The following TNNI3K variants were observed in gnomAD, a reference collection of about 807,000 sequenced individuals.
TNNI3K encodes the protein serine/threonine-protein kinase TNNI3K.
A neutral mutation model predicts 114.5 loss-of-function variants in TNNI3K; 140 were observed. The ratio of observed to expected loss-of-function variants is 1.22; its 90% confidence interval spans 1.07 to 1.41. The LOEUF (loss-of-function observed/expected upper bound fraction) is 1.41. TNNI3K is among the 40% of genes most tolerant of loss of function. The pLI is 0.00. For synonymous variants in TNNI3K, 347 were observed against 347.5 expected (o/e 1.00, Z 0.02); for missense variants, 1,125 against 1,007.6 (o/e 1.12, Z -1.58).
chr1:74,487,977 G>A (rs907047288), intron 21 of TNNI3K, among the ~76,000 whole-genome samples: 3 of 152,074 alleles, frequency 2.0e-5, no homozygotes, highest in Non-Finnish European at 4.4e-5. Flanking sequence ...ATAACTAAGG[G>A]GCTGAGTGAC....
At chr1:74,268,384 G>C (rs976216073) in intron 4 of TNNI3K, among the ~76,000 whole-genome samples, 3 of 151,764 alleles carry the variant, frequency 2.0e-5, no homozygotes, top group African/African-American at 7.3e-5. Context: ...GTTTTCTCTG[G>C]AGGAGGAATT....
chr1:74,439,811 C>T (rs1373578227), intron 20 of TNNI3K, among the ~76,000 whole-genome samples, 189 bp downstream of exon 20: 1 of 151,896 alleles, frequency 6.6e-6, no homozygotes, highest in Non-Finnish European at 1.5e-5. Context: ...CCTGTGATTT[C>T]AGACCGAGAC....
At chr1:74,310,371 A>G (rs1194521400) in intron 5 of TNNI3K, among the ~76,000 whole-genome samples, 1 of 152,206 alleles carries the variant, frequency 6.6e-6, no homozygotes, top group Non-Finnish European at 1.5e-5. Flanking sequence ...TGGAGAAATC[A>G]ATTACTAACA....
intron 21 of TNNI3K, chr1:74,470,771 C>T (rs1667887851): frequency 2.5e-6 from 1 of 400,504 alleles, no homozygotes; most frequent in Middle Eastern, 3.1e-4. Flanking sequence ...TGTTGTAAGG[C>T]TTCATTTTGG....
Position 74,540,260 on chromosome 1 carries a change from T to C in TNNI3K, c.2378T>C (p.Leu793Pro). Residue 793 changes from leucine to proline, a missense_variant, in exon 24 of 25, where the codon CTG (leucine) becomes CCG (proline). Physicochemically the swap from Leu to Pro is moderately conservative, Grantham distance 98. Coordinates refer to ENST00000326637, the MANE Select transcript of TNNI3K (RefSeq NM_015978.3). The stretch of plus-strand genomic sequence containing the variant: ...GCTGGACAATATTCCTCTCAAGGTC[T>C]GTCTTTGGAGGAGATGAAAAGAAGT... ...QSAGQYSSQG[L>P]SLEEMKRSLQ... 6.2e-7 allele frequency: 1 copy of C among 1,612,570 alleles called. No homozygotes were observed. Among genetic ancestry groups the C allele is most frequent in the South Asian group, 1.1e-5 (1 of 90,984 alleles).
rs900675603 is a variant in TNNI3K at position 74,481,085 on chromosome 1, A to G, written c.2122-8104A>G. 3 of 586,980 alleles carry G rather than the reference A, an allele frequency of 5.1e-6. No individual in the cohort carries two copies. In the African/African-American group the frequency reaches 5.6e-5, roughly 11 times the overall value. The allele number at this position is 586,980 out of a possible 1,614,324, so 36.4% of individuals were successfully genotyped here. On this transcript the variant is annotated intron_variant, in intron 21 of 24. Coordinates refer to ENST00000326637, the MANE Select transcript of TNNI3K (RefSeq NM_015978.3). Reference sequence around the variant, plus strand: ...CAATCTTATCACCTGGGTAAAAACAATAAACAATACAAAAAATGAAAATGA... The same window carrying G: ...CAATCTTATCACCTGGGTAAAAACAGTAAACAATACAAAAAATGAAAATGA...
chr1:74,470,898 CA>C (rs978416035), intron 21 of TNNI3K: 1 of 400,592 alleles, frequency 2.5e-6, no homozygotes, highest in African/African-American at 2.1e-5. Context: ...CATTCTGTCC[CA>C]TGTGCTCAGT....
At chr1:74,323,784 C>T (rs1295641691) in intron 5 of TNNI3K, among the ~76,000 whole-genome samples, 1 of 152,000 alleles carries the variant, frequency 6.6e-6, no homozygotes, top group Non-Finnish European at 1.5e-5. Flanking sequence ...AAGCATTGTG[C>T]TAAGTGCTTT....
chr1:74,463,753 C>G (rs539198787), intron 21 of TNNI3K, among the ~76,000 whole-genome samples: 1 of 152,274 alleles, frequency 6.6e-6, no homozygotes, highest in South Asian at 2.1e-4. Flanking sequence ...GATTTTGAAA[C>G]GTTTCTCACA....
At chr1:74,530,114 G>C (rs1379955678) in intron 23 of TNNI3K, among the ~76,000 whole-genome samples, 1 of 152,164 alleles carries the variant, frequency 6.6e-6, no homozygotes, top group East Asian at 1.9e-4. Context: ...ACAAGCATGA[G>C]CCACTGTGCC....
chr1:74,251,998 CT>C (rs1654958232), intron 4 of TNNI3K, among the ~76,000 whole-genome samples: 1 of 152,162 alleles, frequency 6.6e-6, no homozygotes, highest in Non-Finnish European at 1.5e-5. Flanking sequence ...CTGATGTTGA[CT>C]TTTCTTCTGA....
intron 2 of TNNI3K, among the ~76,000 whole-genome samples, chr1:74,237,513 A>AT (rs1406205299): frequency 5.9e-5 from 9 of 152,110 alleles, no homozygotes; most frequent in African/African-American, 2.2e-4. Flanking sequence ...ATTTAGTATT[A>AT]TTTTTTAATT....
At chr1:74,276,636 T>C (rs1489314597) in intron 5 of TNNI3K, among the ~76,000 whole-genome samples, 1 of 152,140 alleles carries the variant, frequency 6.6e-6, no homozygotes, top group African/African-American at 2.4e-5. Context: ...GTGGGTGTTC[T>C]GTTTCATTAC....
chr1:74,322,979 C>A (rs1426662610), intron 5 of TNNI3K, among the ~76,000 whole-genome samples: 1 of 152,110 alleles, frequency 6.6e-6, no homozygotes, highest in Non-Finnish European at 1.5e-5. Context: ...ATGTTTTACT[C>A]TTTCTTAAAG....
At chr1:74,436,661 CTT>C in intron 19 of TNNI3K, 135 bp downstream of exon 19, 1 of 849,056 alleles carries the variant, frequency 1.2e-6, no homozygotes, top group South Asian at 2.1e-5. Flanking sequence ...TGGCTTATGT[CTT>C]TATTTTTAGT....
intron 5 of TNNI3K, among the ~76,000 whole-genome samples, chr1:74,280,110 C>T (rs763913077): frequency 7.2e-5 from 11 of 152,116 alleles, no homozygotes; most frequent in African/African-American, 2.2e-4. Flanking sequence ...AGGCTGGGTG[C>T]GGTGGCTCAC....
At chr1:74,259,848 AC>A (rs1655560690) in intron 4 of TNNI3K, among the ~76,000 whole-genome samples, 1 of 152,168 alleles carries the variant, frequency 6.6e-6, no homozygotes, top group African/African-American at 2.4e-5. Flanking sequence ...ATAATGTTTT[AC>A]TAGCTAACTA....
Position 74,544,070 on chromosome 1 carries a change from AT to A in TNNI3K, c.*92del. The A allele has an allele frequency of 7.0e-7, 1 of 1,419,150 alleles. No homozygotes were observed. The highest frequency in any genetic ancestry group is 9.6e-7 in the Non-Finnish European group (1 of 1,040,742). 87.9% of individuals were successfully genotyped at this position (1,419,150 alleles called of 1,614,324 possible). On this transcript the variant is annotated 3_prime_UTR_variant, in exon 25 of 25. Transcript: ENST00000326637. ...CGGCAAGCTGGCTTCCAACTATAAC[AT>A]TTTACTCTCAAAGGTCTCCTTAAAT...
intron 5 of TNNI3K, among the ~76,000 whole-genome samples, chr1:74,283,660 C>T (rs903592103): frequency 5.3e-5 from 8 of 152,122 alleles, no homozygotes; most frequent in African/African-American, 1.9e-4. Flanking sequence ...CCAAATCAAC[C>T]TGATATGAGA....
Sources: allele counts gnomAD v4.1 joint callset (sites outside exome capture counted in the v4.1 genomes callset), GRCh38; gene constraint gnomAD v4.1.1; transcripts MANE v1.5; gene names NCBI Gene and HGNC (gene_info 2026-07-23, HGNC 2026-07-21).